NXPE1: variants seen among roughly 807,000 people sequenced by gnomAD.
NXPE1 encodes NXPE family member 1.
Under a neutral mutation model 33.3 loss-of-function variants are expected in NXPE1, and 31 were observed. The observed-to-expected ratio is 0.93, with a 90% confidence interval of 0.70 to 1.26. The LOEUF is 1.26. Among genes scored for constraint, NXPE1 ranks in the 50% most tolerant of loss-of-function variants. NXPE1 has a pLI of 0.00. For synonymous variants in NXPE1, 229 were observed against 231.4 expected (o/e 0.99, Z 0.09); for missense variants, 661 against 655.6 (o/e 1.01, Z -0.09).
At chr11:114,531,457 A>G (rs546136342) in intron 5 of NXPE1, among the ~76,000 whole-genome samples, 19 of 152,324 alleles carry the variant, frequency 1.2e-4, no homozygotes, top group African/African-American at 3.8e-4. Flanking sequence ...CAAGGAAGAC[A>G]GTCCTGCTTT....
chr11:114,534,986 C>T (rs1050582896), intron 5 of NXPE1, among the ~76,000 whole-genome samples: 3 of 152,132 alleles, frequency 2.0e-5, no homozygotes, highest in African/African-American at 7.2e-5. Flanking sequence ...TTGTCAAATT[C>T]ACCAAAGTTT....
intron 6 of NXPE1, among the ~76,000 whole-genome samples, chr11:114,528,503 T>C (rs1449087084): frequency 6.6e-6 from 1 of 152,206 alleles, no homozygotes; most frequent in African/African-American, 2.4e-5. Context: ...CAAACTTGCT[T>C]TCTGAAGATC....
In NXPE1 at chr11:114,550,240, A is replaced by G. The variant is rs1477715317; in HGVS notation, c.99+863T>C. Among the ~76,000 whole-genome samples the G allele has an allele frequency of 3.3e-5, 5 of 152,162 alleles. No homozygotes were observed. The East Asian group carries it at 9.6e-4, about 29-fold the overall frequency. On this transcript the variant is annotated intron_variant, in intron 5 of 8. Transcript: ENST00000534921. The stretch of plus-strand genomic sequence containing the variant: ...GAAAGTTCACTTGAAAGGATAAGTG[A>G]AAGAGAATAGTTACAAAACGTATGG...
At chr11:114,552,973 T>A in intron 1 of NXPE1, 93 bp from the exon 2 acceptor site, 3 of 463,732 alleles carry the variant, frequency 6.5e-6, no homozygotes, top group Non-Finnish European at 8.5e-6. Flanking sequence ...TGTTGATCTC[T>A]GAAGAAACCT....
chr11:114,557,275 C>G (rs1228974893), intron 1 of NXPE1, among the ~76,000 whole-genome samples: 1 of 152,066 alleles, frequency 6.6e-6, no homozygotes, highest in Non-Finnish European at 1.5e-5. Flanking sequence ...ATAAAAACTA[C>G]TTTAATAATT....
At chr11:114,553,474 C>G (rs1362625133) in intron 1 of NXPE1, among the ~76,000 whole-genome samples, 1 of 152,152 alleles carries the variant, frequency 6.6e-6, no homozygotes, top group Non-Finnish European at 1.5e-5. Context: ...TTGAGAGTGG[C>G]CAGAGAGCTT....
chr11:114,538,875 G>C (rs531350969), intron 5 of NXPE1, among the ~76,000 whole-genome samples: 2 of 151,964 alleles, frequency 1.3e-5, no homozygotes, highest in South Asian at 4.2e-4. Context: ...AGTCAGTGTG[G>C]TGATTCCTCA....
intron 3 of NXPE1, among the ~76,000 whole-genome samples, chr11:114,551,712 T>G (rs1284376342): frequency 6.6e-6 from 1 of 151,960 alleles, no homozygotes. Context: ...AAGTCTGAAA[T>G]TTGGAAATGG....
downstream of NXPE1, chr11:114,521,596 T>C (rs1565293331): frequency 5.7e-6 from 1 of 174,266 alleles, no homozygotes; most frequent in Non-Finnish European, 1.2e-5. Context: ...GGAGTGATTA[T>C]TGCTAATGGG....
At chr11:114,530,964 CTTA>C in intron 5 of NXPE1, 56 bp from the exon 6 acceptor site, 1 of 1,466,696 alleles carries the variant, frequency 6.8e-7, no homozygotes, top group Non-Finnish European at 9.0e-7. Context: ...ATCATTTTTA[CTTA>C]TTATGAGTTT....
chr11:114,530,591 C>A (rs554668474), exon 6 of NXPE1: 1 of 1,614,160 alleles, frequency 6.2e-7, no homozygotes, highest in African/African-American at 1.3e-5. Flanking sequence ...TCCTGGCCCT[C>A]AGGAAATCCC....
intron 5 of NXPE1, among the ~76,000 whole-genome samples, chr11:114,541,706 C>G (rs1948103823): frequency 6.6e-6 from 1 of 152,096 alleles, no homozygotes; most frequent in Non-Finnish European, 1.5e-5. Context: ...TAAATTTAAT[C>G]ATTTCTGGTT....
At chr11:114,519,462 T>G (rs754735369), downstream of NXPE1, among the ~76,000 whole-genome samples, 16 of 152,230 alleles carry the variant, frequency 1.1e-4, no homozygotes, top group Admixed American at 2.0e-4. Flanking sequence ...TTCCTCAAGA[T>G]GTTTACAAGC....
intron 5 of NXPE1, among the ~76,000 whole-genome samples, chr11:114,536,551 G>A (rs1403548797): frequency 1.3e-5 from 2 of 151,952 alleles, no homozygotes; most frequent in Non-Finnish European, 2.9e-5. Flanking sequence ...TAATAAAGAA[G>A]AAAAGAGAGA....
At chr11:114,522,734 A>G in intron 8 of NXPE1, 145 bp downstream of exon 8, 2 of 683,078 alleles carry the variant, frequency 2.9e-6, no homozygotes, top group East Asian at 2.7e-5. Flanking sequence ...AAGAAGGAAT[A>G]AAATACATTT....
chr11:114,521,072 T>C (rs1279968892), downstream of NXPE1, among the ~76,000 whole-genome samples: 1 of 152,242 alleles, frequency 6.6e-6, no homozygotes, highest in Non-Finnish European at 1.5e-5. Flanking sequence ...AATGGTGCTT[T>C]CCTAATTCTG....
At chr11:114,553,755 C>T (rs1310431807) in intron 1 of NXPE1, 2 of 985,246 alleles carry the variant, frequency 2.0e-6, no homozygotes, top group African/African-American at 1.7e-5. Flanking sequence ...ATTTGGAAAT[C>T]CTCACTGGTA....
chr11:114,538,550 C>G (rs1947940109), intron 5 of NXPE1, among the ~76,000 whole-genome samples: 1 of 152,076 alleles, frequency 6.6e-6, no homozygotes, highest in Non-Finnish European at 1.5e-5. Flanking sequence ...GGCTAATATC[C>G]AGAATCTACA....
intron 1 of NXPE1, chr11:114,553,817 A>G (rs1011783648): frequency 3.1e-6 from 3 of 969,590 alleles, no homozygotes; most frequent in Non-Finnish European, 3.7e-6. Flanking sequence ...ATTCATGCAC[A>G]TTTCTTTCCA....
Sources: gnomAD v4.1 joint callset for allele counts (sites outside exome capture counted in the v4.1 genomes callset) on GRCh38, gnomAD v4.1.1 for gene constraint, MANE v1.5 for transcripts, NCBI Gene and HGNC (gene_info 2026-07-23, HGNC 2026-07-21) for gene names.